The following PCDHGA3 variants were observed in gnomAD, a reference collection of about 807,000 sequenced individuals.
PCDHGA3 encodes the protein protocadherin gamma subfamily A, 3, also known as protocadherin gamma-A3.
Under a neutral mutation model 58.5 loss-of-function variants are expected in PCDHGA3, and 40 were observed. The observed-to-expected ratio is 0.68, with a 90% confidence interval of 0.53 to 0.89. PCDHGA3 has a LOEUF of 0.89. PCDHGA3 is among the 40% of genes least tolerant of loss of function. PCDHGA3 has a pLI of 0.00. For missense variants in PCDHGA3, 1,223 were observed against 1,195.9 expected (o/e 1.02, Z -0.33); for synonymous variants, 530 against 525.7 (o/e 1.01, Z -0.11).
At chr5:141,419,392 C>A (rs1338481275) in intron 1 of PCDHGA3, 1 of 1,613,612 alleles carries the variant, frequency 6.2e-7, no homozygotes, top group Non-Finnish European at 8.5e-7. Flanking sequence ...GCGCGCAGAG[C>A]GGGGTGGTGT....
rs1231591874 is a variant in PCDHGA3 at position 141,431,615 on chromosome 5, G to T, written c.2425-63192G>T. The T allele has an allele frequency of 3.1e-6, 5 of 1,614,118 alleles. No homozygotes were observed. Among genetic ancestry groups the T allele is most frequent in the African/African-American group, 2.7e-5 (2 of 74,950 alleles). On this transcript the variant is annotated intron_variant, in intron 1 of 3. Transcript: ENST00000253812. The surrounding 1 kb of genome is among the most constrained non-coding windows in gnomAD (Gnocchi z 4.8). Reference sequence around the variant, plus strand: ...GAGGTATTCCTTCCGGTATGTGGACGACAAGGCGGCCCAAGTTTTCAAACT... The same window carrying T: ...GAGGTATTCCTTCCGGTATGTGGACTACAAGGCGGCCCAAGTTTTCAAACT...
intron 1 of PCDHGA3, chr5:141,392,972 G>T: frequency 6.2e-7 from 1 of 1,613,920 alleles, no homozygotes. Context: ...AGGACCTGGG[G>T]CTGGACCCCC....
At chr5:141,447,084 T>A (rs2098525776) in intron 1 of PCDHGA3, among the ~76,000 whole-genome samples, 1 of 152,186 alleles carries the variant, frequency 6.6e-6, no homozygotes, top group Non-Finnish European at 1.5e-5. Flanking sequence ...TTTTGTTGTT[T>A]AATTTTCTTT....
At chr5:141,437,930 G>A (rs142381129) in intron 1 of PCDHGA3, among the ~76,000 whole-genome samples, 2,019 of 152,152 alleles carry the variant, frequency 0.013, 16 homozygotes, top group Middle Eastern at 0.034. Context: ...TAGAGATGGG[G>A]TTTCACCATA....
At chr5:141,362,367 T>G (rs766511645) in intron 1 of PCDHGA3, 1 of 1,614,012 alleles carries the variant, frequency 6.2e-7, no homozygotes, top group South Asian at 1.1e-5. Flanking sequence ...CCAATTACAG[T>G]GAGGGTACAT....
At chr5:141,398,362 G>T (rs1422597239) in intron 1 of PCDHGA3, 5 of 1,413,346 alleles carry the variant, frequency 3.5e-6, no homozygotes, top group Admixed American at 1.9e-5. Context: ...CACCGTGAGC[G>T]CAGAGAGCGG....
chr5:141,351,766 C>T (rs754880046), intron 1 of PCDHGA3: 4 of 1,613,526 alleles, frequency 2.5e-6, no homozygotes, highest in South Asian at 1.1e-5. Flanking sequence ...CCTACGTGTC[C>T]GTGAGCCCGC....
At chr5:141,414,489 G>C (rs754325517) in intron 1 of PCDHGA3, 2 of 1,613,872 alleles carry the variant, frequency 1.2e-6, no homozygotes, top group South Asian at 2.2e-5. Context: ...CTCTATCAAC[G>C]GAAGCTCACT....
chr5:141,346,361 G>C lies in PCDHGA3; in HGVS notation c.2328G>C (p.Ala776=). 1.9e-6 allele frequency: 3 copies of C among 1,614,220 alleles called. No individual in the cohort carries two copies. Among genetic ancestry groups the C allele is most frequent in the Non-Finnish European group, 2.5e-6 (3 of 1,180,044 alleles). ...TGATTTTCCCCCAGCCCAACTATGC[G>C]GACACGCTCATCAGCCAGGAGAGCT... The part of the protein sequence containing the change: ...SHLIFPQPNY[A]DTLISQESCE... The change falls in exon 1 of 4, where the codon GCG becomes GCC. Residue 776 remains alanine (A), a synonymous_variant. Transcript: ENST00000253812.
chr5:141,424,393 A>G (rs1241872928), intron 1 of PCDHGA3: 1 of 152,120 alleles, frequency 6.6e-6, no homozygotes, highest in Non-Finnish European at 1.5e-5. Flanking sequence ...TGTCTTTTCC[A>G]TTACTATGGT....
At chr5:141,500,699 A>G (rs780869966) in intron 2 of PCDHGA3, among the ~76,000 whole-genome samples, 1 of 152,156 alleles carries the variant, frequency 6.6e-6, no homozygotes, top group Non-Finnish European at 1.5e-5. Context: ...TCTTCTTTGC[A>G]GTGTATCATG....
intron 1 of PCDHGA3, chr5:141,385,236 C>T: frequency 2.5e-6 from 4 of 1,614,152 alleles, no homozygotes; most frequent in Non-Finnish European, 3.4e-6. Flanking sequence ...TAGACATGCT[C>T]ATCAGCCAGG....
At chr5:141,405,420 T>A in intron 1 of PCDHGA3, 1 of 1,509,592 alleles carries the variant, frequency 6.6e-7, no homozygotes, top group Non-Finnish European at 9.0e-7. Flanking sequence ...TTTTTGTTTT[T>A]TGTTTTGTTT....
intron 1 of PCDHGA3, among the ~76,000 whole-genome samples, chr5:141,465,839 G>A (rs1166392052): frequency 6.6e-6 from 1 of 151,400 alleles, no homozygotes; most frequent in Non-Finnish European, 1.5e-5. Context: ...AATTTCAACT[G>A]AGGCTGGGCC....
At position 141,505,403 on chromosome 5, in the gene PCDHGA3, G is replaced by A; in HGVS notation, c.2494G>A (p.Gly832Ser). The A allele has an allele frequency of 6.2e-7, 1 of 1,614,186 alleles. No individual in the cohort carries two copies. The highest frequency in any genetic ancestry group is 8.5e-7 in the Non-Finnish European group (1 of 1,180,038). ...QRPGTSGSQN[G>S]DDTGTWPNNQ... ...CTACTCTCTCCCCAGCTCCCAAAAT[G>A]GCGATGACACCGGCACCTGGCCCAA... Residue 832 changes from glycine (G) to serine (S), a missense_variant, in exon 3 of 4, where the codon GGC (glycine) becomes AGC (serine). This residue lies in a region of PCDHGA3 where 325 missense variants were observed against 327.5 expected (regional missense o/e 0.99). Coordinates refer to ENST00000253812, the MANE Select transcript of PCDHGA3 (RefSeq NM_018916.4).
chr5:141,418,363 C>G (rs147423305), intron 1 of PCDHGA3: 1 of 1,613,866 alleles, frequency 6.2e-7, no homozygotes, highest in Non-Finnish European at 8.5e-7. Context: ...ATTCGCTGAG[C>G]AAATACCAAC....
intron 1 of PCDHGA3, chr5:141,403,018 G>A (rs752656852): frequency 9.3e-6 from 15 of 1,613,966 alleles, no homozygotes; most frequent in South Asian, 1.1e-5. Context: ...TCCTGGGGAT[G>A]CTATGGGAGG....
At chr5:141,361,264 G>A (rs761311465) in intron 1 of PCDHGA3, 1 of 1,613,878 alleles carries the variant, frequency 6.2e-7, no homozygotes, top group African/African-American at 1.3e-5. Context: ...CAGAGACTCT[G>A]GAGAAAATGG....
At chr5:141,360,412 G>A in intron 1 of PCDHGA3, 1 of 1,613,978 alleles carries the variant, frequency 6.2e-7, no homozygotes, top group Non-Finnish European at 8.5e-7. Flanking sequence ...AATAGACCGA[G>A]AACAGATATG....
Sources: allele counts gnomAD v4.1 joint callset (sites outside exome capture counted in the v4.1 genomes callset), GRCh38; gene constraint gnomAD v4.1.1; regional missense constraint gnomAD v4.1.1; non-coding constraint Gnocchi (gnomAD v3.1); transcripts MANE v1.5; gene names NCBI Gene and HGNC (gene_info 2026-07-23, HGNC 2026-07-21).